Variants in KLHDC10 observed in about 807,000 individuals in gnomAD.
KLHDC10 encodes the protein kelch domain containing 10.
Under a neutral mutation model 56.1 loss-of-function variants are expected in KLHDC10, and 24 were observed. The ratio of observed to expected loss-of-function variants is 0.43; its 90% CI spans 0.31 to 0.60. The LOEUF is 0.60. Ranked by LOEUF, KLHDC10 falls within the 20% of genes least tolerant of loss-of-function variation. KLHDC10 has a pLI of 0.11. For missense variants in KLHDC10, 349 were observed against 567.0 expected, an observed-to-expected ratio of 0.62 and a Z score of 3.91; for synonymous variants, 188 against 207.1, an observed-to-expected ratio of 0.91 and a Z score of 0.79.
At chr7:130,107,972 G>T (rs1465892988) in intron 2 of KLHDC10, among the ~76,000 whole-genome samples, 1 of 150,674 alleles carries the variant, frequency 6.6e-6, no homozygotes, top group Non-Finnish European at 1.5e-5. Flanking sequence ...GTGAGACCGC[G>T]CCACTGCACC....
intron 1 of KLHDC10, among the ~76,000 whole-genome samples, chr7:130,094,221 A>G (rs1795818880): frequency 1.3e-5 from 2 of 152,104 alleles, no homozygotes; most frequent in African/African-American, 4.8e-5. Context: ...CCACCACGCC[A>G]GGCCCAGTTT....
intron 1 of KLHDC10, among the ~76,000 whole-genome samples, chr7:130,085,040 A>G (rs896539383): frequency 6.6e-5 from 10 of 152,038 alleles, no homozygotes; most frequent in African/African-American, 2.4e-4. Flanking sequence ...ATTGGACTGG[A>G]TGAGTTCACC....
At chr7:130,081,257 C>G (rs892778215) in intron 1 of KLHDC10, among the ~76,000 whole-genome samples, 2 of 151,956 alleles carry the variant, frequency 1.3e-5, no homozygotes, top group Non-Finnish European at 2.9e-5. Flanking sequence ...CCTCGGCCTC[C>G]CAAAGTGCTG....
In KLHDC10 at chr7:130,125,946, T is replaced by C. The variant is rs1796310469; in HGVS notation, c.931+15T>C. On this transcript the variant is annotated intron_variant, in intron 7 of 9. Coordinates refer to ENST00000335420, the MANE Select transcript of KLHDC10 (RefSeq NM_014997.4). ...TGAAAAAATAGGTAAATTTAAAGTA[T>C]TGATTAATTTATCTTTAACAAACAT... 2 of 1,510,740 alleles carry C rather than the reference T, an allele frequency of 1.3e-6. No homozygotes were observed. Among genetic ancestry groups the C allele is most frequent in the Non-Finnish European group, 1.8e-6 (2 of 1,107,918 alleles). 93.6% of individuals were successfully genotyped at this position (1,510,740 alleles called of 1,614,324 possible). A position where few individuals can be genotyped will look rare whatever the true frequency, so the allele number is the denominator to read the frequency against.
intron 2 of KLHDC10, among the ~76,000 whole-genome samples, chr7:130,106,816 C>G (rs1214680638): frequency 6.6e-6 from 1 of 151,822 alleles, no homozygotes; most frequent in Non-Finnish European, 1.5e-5. Flanking sequence ...AGAAAAAATT[C>G]AAAAATTAGC....
At chr7:130,085,395 G>A (rs1795673431) in intron 1 of KLHDC10, among the ~76,000 whole-genome samples, 2 of 151,420 alleles carry the variant, frequency 1.3e-5, no homozygotes, top group Non-Finnish European at 2.9e-5. Flanking sequence ...ACTCTTGAAA[G>A]TGAGAAGGAA....
At chr7:130,098,709 A>G (rs1193996372) in intron 2 of KLHDC10, among the ~76,000 whole-genome samples, 1 of 152,086 alleles carries the variant, frequency 6.6e-6, no homozygotes, top group South Asian at 2.1e-4. Flanking sequence ...CATACTAAAT[A>G]TAAGCATAAT....
At chr7:130,108,348 G>A (rs1326830726) in intron 2 of KLHDC10, among the ~76,000 whole-genome samples, 3 of 152,056 alleles carry the variant, frequency 2.0e-5, no homozygotes, top group African/African-American at 7.2e-5. Context: ...TTTAAAAATA[G>A]AATTTTAATT....
intron 2 of KLHDC10, among the ~76,000 whole-genome samples, chr7:130,103,401 G>T (rs1795962041): frequency 6.7e-6 from 1 of 149,008 alleles, no homozygotes; most frequent in Admixed American, 6.7e-5. Context: ...CTCCAGCCTG[G>T]GTTACAGAGC....
intron 4 of KLHDC10, 30 bp from the exon 5 acceptor site, chr7:130,122,024 C>A: frequency 1.3e-6 from 2 of 1,591,810 alleles, no homozygotes; most frequent in South Asian, 1.2e-5. Flanking sequence ...GTTAACAAGT[C>A]GGTCTTATTC....
intron 6 of KLHDC10, among the ~76,000 whole-genome samples, chr7:130,125,223 C>T (rs1161539510): frequency 6.6e-6 from 1 of 152,142 alleles, no homozygotes; most frequent in African/African-American, 2.4e-5. Context: ...TCATTCCAAC[C>T]TTTTTCTTCG....
intron 2 of KLHDC10, among the ~76,000 whole-genome samples, chr7:130,097,672 A>G (rs1030636054): frequency 6.6e-6 from 1 of 152,188 alleles, no homozygotes; most frequent in Admixed American, 6.5e-5. Context: ...AAATAAGAAT[A>G]CCCAATGTTG....
chr7:130,106,853 C>T (rs1353004961), intron 2 of KLHDC10, among the ~76,000 whole-genome samples: 1 of 152,084 alleles, frequency 6.6e-6, no homozygotes, highest in Non-Finnish European at 1.5e-5. Flanking sequence ...CACCTGTGGT[C>T]CCAGCTACTT....
Position 130,089,312 on chromosome 7 carries a change from GAC to G in KLHDC10, c.167-7608_167-7607del, listed in dbSNP as rs575216881. Reference sequence around the variant, plus strand: ...CCATCTCTACAATATAAACAAAAATGACCCAGGTGTGATGGCACATGCCTGTT... The same window carrying G: ...CCATCTCTACAATATAAACAAAAATGCCAGGTGTGATGGCACATGCCTGTT... On this transcript the variant is annotated intron_variant, in intron 1 of 9. Coordinates refer to ENST00000335420, the MANE Select transcript of KLHDC10 (RefSeq NM_014997.4). 3.2e-4 allele frequency among the ~76,000 whole-genome samples: 49 copies of G among 152,174 alleles called. No homozygotes were observed. The South Asian group carries it at 1.0e-2, about 31-fold the overall frequency.
chr7:130,133,946 T>C lies in KLHDC10; in HGVS notation c.*3200T>C, dbSNP rs961110170. The stretch of plus-strand genomic sequence containing the variant: ...GCAGAATCTCCTTTTTTCAGGGCCA[T>C]AATGACATGATGTAAAAATTTGCTT... On this transcript the variant is annotated 3_prime_UTR_variant, in exon 10 of 10. Coordinates refer to ENST00000335420, the MANE Select transcript of KLHDC10 (RefSeq NM_014997.4). 2.0e-5 allele frequency: 3 copies of C among 152,208 alleles called. No homozygotes were observed. Among genetic ancestry groups the C allele is most frequent in the Non-Finnish European group, 4.4e-5 (3 of 68,028 alleles). The allele number at this position is 152,208 out of a possible 1,614,324, so 9.4% of individuals were successfully genotyped here.
At chr7:130,124,004 T>C (rs1796283289) in intron 5 of KLHDC10, among the ~76,000 whole-genome samples, 1 of 152,216 alleles carries the variant, frequency 6.6e-6, no homozygotes, top group African/African-American at 2.4e-5. Context: ...TTTTTAAAAC[T>C]ATGTAATAAT....
chr7:130,070,683 G>A lies in KLHDC10; in HGVS notation c.40G>A (p.Gly14Arg). 7.6e-7 allele frequency: 1 copy of A among 1,308,194 alleles called. No individual in the cohort carries two copies. The allele number at this position is 1,308,194 out of a possible 1,614,324, so 81.0% of individuals were successfully genotyped here. ...AQGWDRNRRRGGGAAGAGGGG... is the reference protein window; with the variant it reads ...AQGWDRNRRRRGGAAGAGGGG... ...GGGCTGGGACAGGAACCGCCGGAGG[G>A]GAGGAGGCGCCGCCGGCGCTGGTGG... is the stretch of plus-strand genomic sequence containing the variant. Residue 14 changes from glycine to arginine, a missense_variant, in exon 1 of 10, where the codon GGA becomes AGA. Physicochemically the swap from Gly to Arg is moderately radical, Grantham distance 125. This residue lies in a region of KLHDC10 where 104 missense variants were observed against 97.0 expected (regional missense o/e 1.07). Coordinates refer to ENST00000335420, the MANE Select transcript of KLHDC10 (RefSeq NM_014997.4).
intron 1 of KLHDC10, among the ~76,000 whole-genome samples, chr7:130,073,239 A>C (rs538300006): frequency 5.3e-5 from 8 of 151,998 alleles, no homozygotes; most frequent in South Asian, 4.2e-4. Flanking sequence ...ACAACAACAA[A>C]AAACTATAGT....
intron 8 of KLHDC10, among the ~76,000 whole-genome samples, chr7:130,128,890 ATATAT>A (rs1222950743): frequency 5.8e-4 from 26 of 44,982 alleles, no homozygotes; most frequent in Admixed American, 8.1e-4. Context: ...AAAAAAAAAA[ATATAT>A]ATATATATAT....
Sources: gnomAD v4.1 joint callset for allele counts (sites outside exome capture counted in the v4.1 genomes callset) on GRCh38, gnomAD v4.1.1 for gene constraint, gnomAD v4.1.1 regional missense constraint, MANE v1.5 for transcripts, NCBI Gene and HGNC (gene_info 2026-07-23, HGNC 2026-07-21) for gene names.